CNTROB: variants seen among roughly 807,000 people sequenced by gnomAD.
CNTROB encodes centrobin.
CNTROB carries 82 observed loss-of-function variants against 115.7 expected under a neutral mutation model. The ratio of observed to expected loss-of-function variants is 0.71; its 90% confidence interval spans 0.59 to 0.85. The LOEUF is 0.85. Among genes scored for constraint, CNTROB ranks in the 40% least tolerant of loss-of-function variants. The pLI, the probability that CNTROB is intolerant of heterozygous loss-of-function variation, is 0.00. For missense variants in CNTROB, 1,014 were observed against 1,144.4 expected (o/e 0.89, Z 1.64); for synonymous variants, 439 against 456.4 (o/e 0.96, Z 0.49).
intron 13 of CNTROB, 101 bp downstream of exon 13, chr17:7,946,087 C>T: frequency 9.1e-7 from 1 of 1,097,200 alleles, no homozygotes; most frequent in Non-Finnish European, 1.3e-6. Context: ...TTTAGTTTCC[C>T]AGATGCCTTT....
rs1974203349 is a variant in CNTROB at position 7,943,860 on chromosome 17, C to T, written c.1446-263C>T. The stretch of plus-strand genomic sequence containing the variant: ...GCTGCTCTGTCGGACTGAGCCTCCT[C>T]GCAGCCTGGCCTCACTTCTCCTCAC... On this transcript the variant is annotated intron_variant, in intron 10 of 18. Transcript: ENST00000563694. This position sits in a 1 kb window ranked among gnomAD's most constrained non-coding sequence, Gnocchi z 4.7. Among the ~76,000 whole-genome samples the T allele has an allele frequency of 6.6e-6, 1 of 152,212 alleles. No homozygotes were observed. The highest frequency in any genetic ancestry group is 6.5e-5 in the Admixed American group (1 of 15,278).
In CNTROB at chr17:7,934,183, C is replaced by A; in HGVS notation, c.316C>A (p.Leu106Ile). ...TGAGATGGAAAGTGTTCGGGGTCAG[C>A]TCCAGACCATGCTCCAAACCTCACG... The part of the protein sequence containing the change: ...IFEMESVRGQ[L>I]QTMLQTSRDT... The change falls in exon 2 of 19, where the codon CTC becomes ATC. Residue 106 changes from leucine to isoleucine, a missense_variant. Transcript: ENST00000563694. 5 of 1,614,180 alleles carry A rather than the reference C, an allele frequency of 3.1e-6. No individual in the cohort carries two copies. Among genetic ancestry groups the A allele is most frequent in the Non-Finnish European group, 4.2e-6 (5 of 1,180,028 alleles).
chr17:7,940,231 A>T lies in CNTROB; in HGVS notation c.1300A>T (p.Ser434Cys). The change falls in exon 9 of 19, where the codon AGC becomes TGC. Residue 434 changes from serine to cysteine, a missense_variant. Transcript: ENST00000563694. ...RERDALQLEM[S>C]LVQARYESQR... ...GAGAGATGCCCTGCAGCTGGAAATG[A>T]GCTTGGTGCAGGTCAGAAGGCAGAG... 1 of 1,607,618 alleles carries T rather than the reference A, an allele frequency of 6.2e-7. No homozygotes were observed. The highest frequency in any genetic ancestry group is 8.5e-7 in the Non-Finnish European group (1 of 1,178,236).
At position 7,933,036 on chromosome 17, in the gene CNTROB, C is replaced by T. The variant is rs369343482; in HGVS notation, c.-44C>T. On this transcript the variant is annotated 5_prime_UTR_variant, in exon 1 of 19. Coordinates refer to ENST00000563694, the MANE Select transcript of CNTROB (RefSeq NM_053051.5). ...CCTCCTGGACTTTGCTAAAGCAGAA[C>T]CTCCCAGCTCTTTGCTGTCTCCGGT... is the stretch of plus-strand genomic sequence containing the variant. The T allele has an allele frequency of 2.1e-4, 328 of 1,589,484 alleles. No homozygotes were observed. Among genetic ancestry groups the T allele is most frequent in the Non-Finnish European group, 2.7e-4 (316 of 1,168,672 alleles).
Position 7,943,337 on chromosome 17 carries a change from C to T in CNTROB, c.1312-54C>T, listed in dbSNP as rs1974134935. On this transcript the variant is annotated intron_variant, in intron 9 of 18. Transcript: ENST00000563694. This position sits in a 1 kb window ranked among gnomAD's most constrained non-coding sequence, Gnocchi z 4.7. ...ATTTTGTCTACATTATATCCTCCAT[C>T]CTCTTCTAAGCCCAAACAGATTTGG... 2 of 1,409,568 alleles carry T rather than the reference C, an allele frequency of 1.4e-6. No individual in the cohort carries two copies. The highest frequency in any genetic ancestry group is 9.9e-7 in the Non-Finnish European group (1 of 1,007,808). 87.3% of individuals were successfully genotyped at this position (1,409,568 alleles called of 1,614,324 possible).
At position 7,936,692 on chromosome 17, in the gene CNTROB, C is replaced by A. The variant is rs751371218; in HGVS notation, c.712-9C>A. 4.9e-6 allele frequency: 6 copies of A among 1,230,534 alleles called. No homozygotes were observed. Among genetic ancestry groups the A allele is most frequent in the Non-Finnish European group, 7.2e-6 (6 of 829,592 alleles). 76.2% of individuals were successfully genotyped at this position (1,230,534 alleles called of 1,614,324 possible). A position where few individuals can be genotyped will look rare whatever the true frequency, so the allele number is the denominator to read the frequency against. Reference sequence around the variant, plus strand: ...ATTTTGAAATTTCATCTTACTTGCCCTACCTAAGACCCTGGCCCGTGTGGT... The same window carrying A: ...ATTTTGAAATTTCATCTTACTTGCCATACCTAAGACCCTGGCCCGTGTGGT... On this transcript the variant is annotated splice_polypyrimidine_tract_variant and intron_variant, in intron 5 of 18. Coordinates refer to ENST00000563694, the MANE Select transcript of CNTROB (RefSeq NM_053051.5).
chr17:7,943,287 C>T lies in CNTROB; in HGVS notation c.1312-104C>T. The T allele has an allele frequency of 1.3e-6, 1 of 783,232 alleles. No individual in the cohort carries two copies. The highest frequency in any genetic ancestry group is 2.0e-6 in the Non-Finnish European group (1 of 491,840). 48.5% of individuals were successfully genotyped at this position (783,232 alleles called of 1,614,324 possible). On this transcript the variant is annotated intron_variant, in intron 9 of 18. Coordinates refer to ENST00000563694, the MANE Select transcript of CNTROB (RefSeq NM_053051.5). This position sits in a 1 kb window ranked among gnomAD's most constrained non-coding sequence, Gnocchi z 4.7. ...GAGGCAAAATTCTTGTTCTTCATCT[C>T]ATATGAGGGGAAAGTTGGTACTGGA...
chr17:7,943,528 C>T lies in CNTROB; in HGVS notation c.1445+4C>T, dbSNP rs201478201. On this transcript the variant is annotated splice_donor_region_variant and intron_variant, in intron 10 of 18. Coordinates refer to ENST00000563694, the MANE Select transcript of CNTROB (RefSeq NM_053051.5). This position sits in a 1 kb window ranked among gnomAD's most constrained non-coding sequence, Gnocchi z 4.7. ...CCTCCCTCAGGGAACATCACAGGTA[C>T]GTGGGACTCACTGGGTGTCACTTCT... The T allele has an allele frequency of 3.2e-4, 516 of 1,608,728 alleles. No individual in the cohort carries two copies. Among genetic ancestry groups the T allele is most frequent in the Admixed American group, 2.0e-4 (12 of 59,720 alleles).
chr17:7,936,614 G>A, intron 5 of CNTROB, 87 bp from the exon 6 acceptor site: 1 of 800,956 alleles, frequency 1.2e-6, no homozygotes, highest in South Asian at 1.3e-5. Flanking sequence ...CTGACTGTTG[G>A]GAGAAGATGG....
Position 7,944,443 on chromosome 17 carries a change from G to C in CNTROB, c.1572-33G>C. On this transcript the variant is annotated intron_variant, in intron 11 of 18. Transcript: ENST00000563694. The surrounding 1 kb of genome is among the most constrained non-coding windows in gnomAD (Gnocchi z 4.0). Reference sequence around the variant, plus strand: ...GCTCCCAAGTATCTGCTTCCTTAAAGGCCCTGAGTCACTTCTTCTCTCTTT... The same window carrying C: ...GCTCCCAAGTATCTGCTTCCTTAAACGCCCTGAGTCACTTCTTCTCTCTTT... 1 of 1,605,936 alleles carries C rather than the reference G, an allele frequency of 6.2e-7. No individual in the cohort carries two copies.
chr17:7,940,587 A>G (rs935780437), intron 9 of CNTROB, among the ~76,000 whole-genome samples: 4 of 151,834 alleles, frequency 2.6e-5, no homozygotes, highest in Admixed American at 6.6e-5. Flanking sequence ...CAATTGTAAC[A>G]GTGTGCTTTG....
At chr17:7,942,227 A>G (rs1973960409) in intron 9 of CNTROB, among the ~76,000 whole-genome samples, 1 of 152,180 alleles carries the variant, frequency 6.6e-6, no homozygotes, top group African/African-American at 2.4e-5. Flanking sequence ...TGATCACACC[A>G]CTGCACTTTA....
rs764367404 is a variant in CNTROB at position 7,948,857 on chromosome 17, G to GT, written c.2514-221dup. 1 of 1,455,976 alleles carries GT rather than the reference G, an allele frequency of 6.9e-7. No individual in the cohort carries two copies. The allele number at this position is 1,455,976 out of a possible 1,614,324, so 90.2% of individuals were successfully genotyped here. ...CTTTTCCCCGGGTCTCTCTACCTTC[G>GT]TTTTTTTCCTCTTTACCCCTCAGCT... On this transcript the variant is annotated intron_variant, in intron 17 of 18. Transcript: ENST00000563694. The surrounding 1 kb of genome is among the most constrained non-coding windows in gnomAD (Gnocchi z 4.4).
At chr17:7,936,895 A>G (rs1973247644) in intron 6 of CNTROB, 78 bp downstream of exon 6, 2 of 811,566 alleles carry the variant, frequency 2.5e-6, no homozygotes, top group African/African-American at 3.4e-5. Context: ...TAGCTCTGGA[A>G]TTAGGGTTTC....
intron 4 of CNTROB, 63 bp downstream of exon 4, chr17:7,935,208 A>G (rs1234523562): frequency 1.2e-6 from 2 of 1,606,910 alleles, no homozygotes; most frequent in Admixed American, 1.7e-5. Context: ...CCAAGTGTTG[A>G]AAAGGGCTGA....
rs763623183 is a variant in CNTROB at position 7,936,444 on chromosome 17, G to A, written c.673G>A (p.Asp225Asn). The change falls in exon 5 of 19, where the codon GAC becomes AAC. Residue 225 changes from aspartate (D) to asparagine (N), a missense_variant. By Grantham distance (23) the Asp-to-Asn change is conservative. Coordinates refer to ENST00000563694, the MANE Select transcript of CNTROB (RefSeq NM_053051.5). ...ACAATTAGCCGTGGCTGTGGCTGCC[G>A]ACCGCAAGAAAGATACCATGATTGA... The part of the protein sequence containing the change: ...QQQLAVAVAA[D>N]RKKDTMIEQL... 15 of 1,552,384 alleles carry A rather than the reference G, an allele frequency of 9.7e-6. No individual in the cohort carries two copies. The highest frequency in any genetic ancestry group is 1.7e-4 in the Middle Eastern group (1 of 5,966).
chr17:7,934,865 A>T, intron 3 of CNTROB, 124 bp from the exon 4 acceptor site: 1 of 1,092,952 alleles, frequency 9.1e-7, no homozygotes, highest in Non-Finnish European at 1.3e-6. Flanking sequence ...ATATAGCTTT[A>T]CGACTTTGGA....
Position 7,935,069 on chromosome 17 carries a change from G to C in CNTROB, c.518G>C (p.Arg173Pro). 6.2e-7 allele frequency: 1 copy of C among 1,614,124 alleles called. No homozygotes were observed. Among genetic ancestry groups the C allele is most frequent in the Non-Finnish European group, 8.5e-7 (1 of 1,180,036 alleles). Residue 173 changes from arginine (R) to proline (P), a missense_variant, in exon 4 of 19, where the codon CGG (arginine) becomes CCG (proline). Coordinates refer to ENST00000563694, the MANE Select transcript of CNTROB (RefSeq NM_053051.5). ...CTGTTTCCCCGCTACACCAGCCTTC[G>C]GCCAGGGCCTCCACTCAATCCCCCA... ...EELFPRYTSL[R>P]PGPPLNPPDF...
Position 7,945,902 on chromosome 17 carries a change from C to T in CNTROB, c.1909C>T (p.Leu637Phe). Residue 637 changes from leucine (L) to phenylalanine (F), a missense_variant, in exon 13 of 19, where the codon CTT becomes TTT. By Grantham distance (22) the Leu-to-Phe change is conservative. Coordinates refer to ENST00000563694, the MANE Select transcript of CNTROB (RefSeq NM_053051.5). ...PPVLCSSSSD[L>F]SLLLGPSFQS... is the part of the protein sequence containing the mutation. ...TGTTCTTTGCAGTTCCTCCTCAGAT[C>T]TTAGCCTCCTGTTGGGCCCCTCTTT... The T allele has an allele frequency of 1.2e-6, 2 of 1,614,174 alleles. No homozygotes were observed. Among genetic ancestry groups the T allele is most frequent in the African/African-American group, 2.7e-5 (2 of 75,050 alleles).
Sources: allele counts gnomAD v4.1 joint callset (sites outside exome capture counted in the v4.1 genomes callset), GRCh38; gene constraint gnomAD v4.1.1; non-coding constraint Gnocchi (gnomAD v3.1); transcripts MANE v1.5; gene names NCBI Gene and HGNC (gene_info 2026-07-23, HGNC 2026-07-21).